The following ADAM32 variants were observed in gnomAD, a reference collection of about 807,000 sequenced individuals.
ADAM32 encodes ADAM metallopeptidase domain 32, also known as disintegrin and metalloproteinase domain-containing protein 32.
In ADAM32, 89 loss-of-function variants were observed where a neutral mutation model predicts 114.9. That is an observed-to-expected ratio of 0.77 (90% CI 0.65 to 0.92). The LOEUF is 0.92. Among genes scored for constraint, ADAM32 ranks in the 40% least tolerant of loss-of-function variants. ADAM32 has a pLI of 0.00. For missense variants in ADAM32, 870 were observed against 932.8 expected, an observed-to-expected ratio of 0.93 and a Z score of 0.88; for synonymous variants, 285 against 307.5, an observed-to-expected ratio of 0.93 and a Z score of 0.77.
chr8:39,223,952 G>C (rs1809168763), intron 14 of ADAM32: 1 of 152,074 alleles, frequency 6.6e-6, no homozygotes, highest in Non-Finnish European at 1.5e-5. Flanking sequence ...AGGTTCATCT[G>C]TGTTACTGCA....
At chr8:39,234,697 G>A (rs1240505789) in intron 16 of ADAM32, among the ~76,000 whole-genome samples, 1 of 152,182 alleles carries the variant, frequency 6.6e-6, no homozygotes, top group Non-Finnish European at 1.5e-5. Context: ...ATTATAATTT[G>A]TCATCTTTGA....
chr8:39,120,471 G>A (rs936911889), intron 2 of ADAM32, among the ~76,000 whole-genome samples: 5 of 152,000 alleles, frequency 3.3e-5, no homozygotes, highest in Non-Finnish European at 7.4e-5. Context: ...AACATTAAAG[G>A]TGTTCCTGGG....
Position 39,223,160 on chromosome 8 carries a change from T to C in ADAM32, c.1447T>C (p.Cys483Arg). The stretch of plus-strand genomic sequence containing the variant: ...CATAACTTTAATCAATGGACTTTCA[T>C]GCAAAAATAATAAGTTTATTTGTTA... The part of the protein sequence containing the change: ...PDITLINGLS[C>R]KNNKFICYDG... The change falls in exon 14 of 25, where the codon TGC (cysteine) becomes CGC (arginine). Residue 483 changes from cysteine to arginine, a missense_variant. Transcript: ENST00000379907. 6.2e-7 allele frequency: 1 copy of C among 1,600,856 alleles called. No homozygotes were observed.
chr8:39,278,792 T>C (rs1350777068), intron 22 of ADAM32, among the ~76,000 whole-genome samples: 1 of 152,130 alleles, frequency 6.6e-6, no homozygotes, highest in Non-Finnish European at 1.5e-5. Flanking sequence ...TTTACAACCC[T>C]TTTAGTTTCA....
chr8:39,244,507 C>T (rs529754914), intron 16 of ADAM32, among the ~76,000 whole-genome samples: 1 of 152,134 alleles, frequency 6.6e-6, no homozygotes, highest in Non-Finnish European at 1.5e-5. Flanking sequence ...TATTTACAGT[C>T]AACTGATCTT....
At chr8:39,180,529 C>T (rs1805804322) in intron 10 of ADAM32, among the ~76,000 whole-genome samples, 2 of 152,254 alleles carry the variant, frequency 1.3e-5, no homozygotes. Context: ...TGGCGCGGGA[C>T]TGGCAGGCAG....
At chr8:39,205,673 CT>C (rs1807779501) in intron 11 of ADAM32, among the ~76,000 whole-genome samples, 1 of 152,228 alleles carries the variant, frequency 6.6e-6, no homozygotes, top group Non-Finnish European at 1.5e-5. Context: ...AACCTGGAAC[CT>C]CAGTTTGAAA....
intron 20 of ADAM32, among the ~76,000 whole-genome samples, chr8:39,272,563 T>C (rs1234266660): frequency 6.6e-6 from 1 of 152,154 alleles, no homozygotes; most frequent in African/African-American, 2.4e-5. Context: ...TATTGAAACA[T>C]AGAAAAGCTA....
intron 2 of ADAM32, among the ~76,000 whole-genome samples, chr8:39,121,601 A>G (rs916957577): frequency 1.3e-5 from 2 of 152,182 alleles, no homozygotes; most frequent in African/African-American, 4.8e-5. Context: ...AAGTATAATA[A>G]AAAAAGAAAA....
chr8:39,222,212 A>G (rs1418174416), intron 13 of ADAM32, among the ~76,000 whole-genome samples: 3 of 152,030 alleles, frequency 2.0e-5, no homozygotes, highest in Non-Finnish European at 4.4e-5. Context: ...TAGTTTATAC[A>G]GTGAAGACAT....
At chr8:39,246,004 C>A in intron 16 of ADAM32, 79 bp from the exon 17 acceptor site, 1 of 1,122,410 alleles carries the variant, frequency 8.9e-7, no homozygotes, top group Non-Finnish European at 1.3e-6. Flanking sequence ...GCTTTTATAT[C>A]ATATAATTAT....
chr8:39,123,527 T>C (rs757140727), intron 2 of ADAM32, among the ~76,000 whole-genome samples: 15 of 152,056 alleles, frequency 9.9e-5, no homozygotes, highest in Admixed American at 4.6e-4. Context: ...TATTGCATGC[T>C]CATTTTTACA....
Position 39,127,006 on chromosome 8 carries a change from C to G in ADAM32, c.138+8841C>G, listed in dbSNP as rs537671800. On this transcript the variant is annotated intron_variant, in intron 2 of 24. Transcript: ENST00000379907. ...GCATATGTTGAACCAACCTTGCATC[C>G]TGGGGATGAAGCCTACTTGATCATG... Among the ~76,000 whole-genome samples, 53 of 152,244 alleles carry G rather than the reference C, an allele frequency of 3.5e-4. 1 individual carries two copies. In the South Asian group the frequency reaches 7.3e-3, roughly 21 times the overall value.
At chr8:39,123,896 G>A (rs1326642147) in intron 2 of ADAM32, among the ~76,000 whole-genome samples, 2 of 151,806 alleles carry the variant, frequency 1.3e-5, no homozygotes, top group South Asian at 2.1e-4. Flanking sequence ...TAGTAGAGAC[G>A]GGGTTTCGCC....
intron 2 of ADAM32, among the ~76,000 whole-genome samples, chr8:39,130,575 A>G (rs1291370295): frequency 1.3e-5 from 2 of 152,144 alleles, no homozygotes; most frequent in Non-Finnish European, 2.9e-5. Context: ...GCTGGATTCC[A>G]TAAATTATGC....
intron 6 of ADAM32, among the ~76,000 whole-genome samples, chr8:39,157,068 T>C (rs988711805): frequency 1.3e-5 from 2 of 152,198 alleles, no homozygotes; most frequent in Non-Finnish European, 1.5e-5. Flanking sequence ...GATATAGAAT[T>C]CTTGTTTGAC....
chr8:39,149,926 T>A, intron 5 of ADAM32, 59 bp downstream of exon 5: 3 of 1,398,886 alleles, frequency 2.1e-6, no homozygotes, highest in Non-Finnish European at 3.0e-6. Flanking sequence ...TGCAGTGAAT[T>A]TGTTCTCTTT....
At chr8:39,267,686 C>T (rs1291089025) in intron 19 of ADAM32, among the ~76,000 whole-genome samples, 1 of 152,170 alleles carries the variant, frequency 6.6e-6, no homozygotes, top group Non-Finnish European at 1.5e-5. Context: ...CAGAGGAAAG[C>T]AGGGGTTTTT....
chr8:39,190,009 G>A (rs575395289), intron 11 of ADAM32, among the ~76,000 whole-genome samples: 205 of 152,242 alleles, frequency 1.3e-3, no homozygotes, highest in African/African-American at 4.7e-3. Context: ...TAGTAGAGAC[G>A]AGATTTCACC....
Sources: gnomAD v4.1 joint callset for allele counts (sites outside exome capture counted in the v4.1 genomes callset) on GRCh38, gnomAD v4.1.1 for gene constraint, MANE v1.5 for transcripts, NCBI Gene and HGNC (gene_info 2026-07-23, HGNC 2026-07-21) for gene names.